Variants in RIMKLB observed in about 807,000 individuals in gnomAD.
The protein encoded by RIMKLB is ribosomal modification protein rimK like family member B, also known as beta-citrylglutamate synthase B.
RIMKLB carries 7 observed loss-of-function variants against 32.0 expected under a neutral mutation model. The ratio of observed to expected loss-of-function variants is 0.22; its 90% CI spans 0.12 to 0.41. RIMKLB has a LOEUF of 0.41. Ranked by LOEUF, RIMKLB falls within the 10% of genes least tolerant of loss-of-function variation. The pLI is 1.00. For missense variants in RIMKLB, 289 were observed against 498.7 expected, an observed-to-expected ratio of 0.58 and a Z score of 4.00; for synonymous variants, 172 against 185.1, an observed-to-expected ratio of 0.93 and a Z score of 0.57.
chr12:8,758,204 C>G (rs1949223277), intron 5 of RIMKLB, among the ~76,000 whole-genome samples: 1 of 151,530 alleles, frequency 6.6e-6, no homozygotes. Flanking sequence ...TGTTCAGGTC[C>G]TTTGTGTCCT....
chr12:8,675,720 C>T, the RIMKLB span, among the ~76,000 whole-genome samples: 1 of 151,818 alleles, frequency 6.6e-6, no homozygotes, highest in African/African-American at 2.4e-5. Flanking sequence ...AAGGTTGGCA[C>T]ATAGTTATAG....
chr12:8,676,397 T>C, the RIMKLB span, among the ~76,000 whole-genome samples: 1 of 118,066 alleles, frequency 8.5e-6, no homozygotes, highest in African/African-American at 3.3e-5. Flanking sequence ...TTTTTTTTTT[T>C]TTTTTTTTTT....
Position 8,765,948 on chromosome 12 carries a change from C to T in RIMKLB, c.698-7373C>T, listed in dbSNP as rs139479373. Reference sequence around the variant, plus strand: ...TGTAAGATGTTATAATTTATACTTCCGTCGGGAGGCCAGGTTTCTCCCCCT... The same window carrying T: ...TGTAAGATGTTATAATTTATACTTCTGTCGGGAGGCCAGGTTTCTCCCCCT... On this transcript the variant is annotated intron_variant, in intron 5 of 5. Transcript: ENST00000535829. 5.1e-3 allele frequency among the ~76,000 whole-genome samples: 783 copies of T among 152,040 alleles called. 10 individuals are homozygous for T. The highest frequency in any genetic ancestry group is 0.018 in the African/African-American group (726 of 41,460).
intron 2 of RIMKLB, chr12:8,714,275 A>G: frequency 2.6e-6 from 1 of 389,540 alleles, no homozygotes; most frequent in East Asian, 4.7e-5. Flanking sequence ...TAAACAATAA[A>G]ACAAAGTAGG....
At chr12:8,686,703 C>T (rs1942586720) in intron 1 of RIMKLB, among the ~76,000 whole-genome samples, 1 of 151,526 alleles carries the variant, frequency 6.6e-6, no homozygotes, top group South Asian at 2.1e-4. Flanking sequence ...AGGACGGTGT[C>T]GATCTCCTGA....
At chr12:8,715,528 T>C (rs1031830273) in intron 2 of RIMKLB, among the ~76,000 whole-genome samples, 3 of 152,158 alleles carry the variant, frequency 2.0e-5, no homozygotes, top group African/African-American at 7.2e-5. Flanking sequence ...CCACCTACTC[T>C]TGTTCTCTTG....
At chr12:8,704,683 A>G (rs1240659214) in intron 1 of RIMKLB, among the ~76,000 whole-genome samples, 1 of 152,128 alleles carries the variant, frequency 6.6e-6, no homozygotes, top group Non-Finnish European at 1.5e-5. Flanking sequence ...AGGATGTGTT[A>G]TTTAACTAAT....
the RIMKLB span, among the ~76,000 whole-genome samples, chr12:8,674,447 G>A: frequency 6.6e-6 from 1 of 151,796 alleles, no homozygotes; most frequent in Non-Finnish European, 1.5e-5. Flanking sequence ...CACCGTGTTT[G>A]CCAGGATGGT....
rs1418953104 is a variant in RIMKLB, at chr12:8,718,661, ATATATATATGTGTGTG to A, written c.175+4622_175+4637del. ...CGTCTCTCTCTCTCTCTCTATATAT[ATATATATATGTGTGTG>A]TGTGTGTGTGTGTGTGTGTGTGTGT... On this transcript the variant is annotated intron_variant, in intron 2 of 5. Transcript: ENST00000535829. Among the ~76,000 whole-genome samples the A allele has an allele frequency of 1.1e-4, 13 of 118,400 alleles. 1 individual carries two copies. The highest frequency in any genetic ancestry group is 3.9e-4 in the African/African-American group (13 of 33,504). 77.7% of individuals were successfully genotyped at this position (118,400 alleles called of 152,430 possible).
rs1950573479 is a variant in RIMKLB at position 8,773,723 on chromosome 12, C to G, written c.1100C>G (p.Pro367Arg). 6.2e-7 allele frequency: 1 copy of G among 1,614,244 alleles called. No individual in the cohort carries two copies. ...STERELLTKL[P>R]GGLFNMNQLL... ...GAGCGAGAGCTGCTCACCAAGCTCCCAGGGGGCCTGTTCAACATGAACCAG... is the reference window on the plus strand; with the variant it reads ...GAGCGAGAGCTGCTCACCAAGCTCCGAGGGGGCCTGTTCAACATGAACCAG... The change falls in exon 6 of 6, where the codon CCA becomes CGA. Residue 367 changes from proline to arginine, a missense_variant. Physicochemically the swap from Pro to Arg is moderately radical, Grantham distance 103. This residue lies in a region of RIMKLB where 99 missense variants were observed against 133.9 expected (regional missense o/e 0.74). Transcript: ENST00000535829.
downstream of RIMKLB, among the ~76,000 whole-genome samples, chr12:8,778,826 A>G (rs1326473648): frequency 6.6e-6 from 1 of 152,250 alleles, no homozygotes; most frequent in East Asian, 1.9e-4. Context: ...TGGACGTACT[A>G]TCCAAAGAGG....
intron 1 of RIMKLB, among the ~76,000 whole-genome samples, chr12:8,686,564 C>T (rs1942580432): frequency 6.6e-6 from 1 of 151,934 alleles, no homozygotes; most frequent in Non-Finnish European, 1.5e-5. Context: ...ACTGCAAGCT[C>T]CGCCTCCCGG....
At chr12:8,772,880 A>T (rs1228156966) in intron 5 of RIMKLB, among the ~76,000 whole-genome samples, 1 of 152,216 alleles carries the variant, frequency 6.6e-6, no homozygotes, top group East Asian at 1.9e-4. Context: ...TGGTTTAGGA[A>T]TGACAGCTAG....
intron 2 of RIMKLB, among the ~76,000 whole-genome samples, chr12:8,737,296 T>C (rs1156490943): frequency 6.6e-6 from 1 of 151,306 alleles, no homozygotes; most frequent in African/African-American, 2.4e-5. Context: ...TTTTGTAGAG[T>C]ACAAGTGAGC....
chr12:8,699,145 A>C (rs867838021), intron 1 of RIMKLB, among the ~76,000 whole-genome samples: 3 of 152,272 alleles, frequency 2.0e-5, no homozygotes, highest in Middle Eastern at 3.4e-3. Context: ...CTGCTATGTA[A>C]ATTCTTTCAG....
chr12:8,756,153 C>CAAA (rs1233371130), intron 5 of RIMKLB, among the ~76,000 whole-genome samples: 3 of 114,182 alleles, frequency 2.6e-5, no homozygotes, highest in Admixed American at 9.5e-5. Flanking sequence ...GACTCTGCCT[C>CAAA]AAAAAAAAAA....
chr12:8,701,869 G>A (rs1040500532), intron 1 of RIMKLB, among the ~76,000 whole-genome samples: 3 of 151,826 alleles, frequency 2.0e-5, no homozygotes, highest in Admixed American at 2.0e-4. Context: ...GCCAGGTGTG[G>A]TGGTGTGCGT....
At chr12:8,718,194 A>G (rs901619133) in intron 2 of RIMKLB, among the ~76,000 whole-genome samples, 8 of 152,136 alleles carry the variant, frequency 5.3e-5, no homozygotes, top group African/African-American at 1.4e-4. Context: ...TCCATTGTTG[A>G]TACCCAGTGT....
intron 1 of RIMKLB, among the ~76,000 whole-genome samples, chr12:8,682,006 G>A (rs1264318984): frequency 6.6e-6 from 1 of 152,048 alleles, no homozygotes; most frequent in Non-Finnish European, 1.5e-5. Context: ...ATTGACTGCA[G>A]GTAGATAGTG....
Sources: gnomAD v4.1 joint callset for allele counts (sites outside exome capture counted in the v4.1 genomes callset) on GRCh38, gnomAD v4.1.1 for gene constraint, gnomAD v4.1.1 regional missense constraint, MANE v1.5 for transcripts, NCBI Gene and HGNC (gene_info 2026-07-23, HGNC 2026-07-21) for gene names.